The following FDPS variants were observed in gnomAD, a reference collection of about 807,000 sequenced individuals.
FDPS encodes the protein farnesyl pyrophosphate synthase.
Under a neutral mutation model 49.5 loss-of-function variants are expected in FDPS, and 29 were observed. The ratio of observed to expected loss-of-function variants is 0.59; its 90% CI spans 0.44 to 0.80. The LOEUF is 0.80. FDPS is among the 30% of genes least tolerant of loss of function. FDPS has a pLI of 0.00. For missense variants in FDPS, 414 were observed against 525.6 expected (o/e 0.79, Z 2.08); for synonymous variants, 172 against 206.4 (o/e 0.83, Z 1.43).
chr1:155,310,214 T>C lies in FDPS; in HGVS notation c.339+9T>C, dbSNP rs373410513. 2.4e-5 allele frequency: 38 copies of C among 1,613,438 alleles called. No individual in the cohort carries two copies. In the Admixed American group the frequency reaches 6.2e-4, roughly 26 times the overall value. On this transcript the variant is annotated intron_variant, in intron 3 of 10. Transcript: ENST00000368356. ...TTGCCCGGCTCAAGGAGGTGAGGGATTCATGACTTGGGGGAGTAAGGCTTT... is the reference window on the plus strand; with the variant it reads ...TTGCCCGGCTCAAGGAGGTGAGGGACTCATGACTTGGGGGAGTAAGGCTTT...
intron 4 of FDPS, 66 bp from the exon 5 acceptor site, chr1:155,317,872 TAGC>T: frequency 7.2e-7 from 1 of 1,382,454 alleles, no homozygotes; most frequent in Admixed American, 1.8e-5. Context: ...AGATATAAAG[TAGC>T]AGCTCTGTTG....
At chr1:155,319,038 C>T (rs1012054378) in intron 8 of FDPS, 110 bp downstream of exon 8, 10 of 805,488 alleles carry the variant, frequency 1.2e-5, no homozygotes, top group Non-Finnish European at 1.9e-5. Flanking sequence ...ACTGTGTGAC[C>T]TTGAGCAAGT....
Position 155,309,931 on chromosome 1 carries a change from C to G in FDPS, c.142C>G (p.Arg48Gly). 6.2e-7 allele frequency: 1 copy of G among 1,604,308 alleles called. No homozygotes were observed. The highest frequency in any genetic ancestry group is 8.5e-7 in the Non-Finnish European group (1 of 1,173,484). The change falls in exon 2 of 11, where the codon CGC (arginine) becomes GGC (glycine). Residue 48 changes from arginine to glycine, a missense_variant. By Grantham distance (125) the Arg-to-Gly change is moderately radical. Transcript: ENST00000368356. ...CCCAGTCCTGGCCTGGCACAGTGCC[C>G]GCTGCTGGTGCCAAGCGTGGACAGA... ...GYPVLAWHSA[R>G]CWCQAWTEEP...
chr1:155,312,455 A>C, intron 4 of FDPS, 60 bp downstream of exon 4: 95 of 819,638 alleles, frequency 1.2e-4, no homozygotes, highest in East Asian at 1.7e-4. Flanking sequence ...TTGGGTGGGA[A>C]GGGGAGGGAT....
In FDPS at chr1:155,319,612, C is replaced by T. The variant is rs770964870; in HGVS notation, c.848C>T (p.Ala283Val). ...YLPIAAAMYM[A>V]GIDGEKEHAN... ...TTATTAACCCCCCTTTCCCTGCAGG[C>T]AGGAATTGATGGCGAGAAGGAGCAC... The change falls in exon 9 of 11, where the codon GCA (alanine) becomes GTA (valine). Residue 283 changes from alanine to valine, a missense_variant and splice_region_variant. Physicochemically the swap from Ala to Val is moderately conservative, Grantham distance 64. Transcript: ENST00000368356. 1 of 1,613,936 alleles carries T rather than the reference C, an allele frequency of 6.2e-7. No individual in the cohort carries two copies. The highest frequency in any genetic ancestry group is 8.5e-7 in the Non-Finnish European group (1 of 1,180,042).
Position 155,320,549 on chromosome 1 carries a change from A to C in FDPS, c.1200A>C (p.Ala400=). The C allele has an allele frequency of 6.2e-7, 1 of 1,614,150 alleles. No homozygotes were observed. The highest frequency in any genetic ancestry group is 1.1e-5 in the South Asian group (1 of 91,082). ...HIMALIEQYA[A]PLPPAVFLGL... is the part of the protein sequence containing the mutation. ...TGGCTCTCATTGAACAGTACGCAGC[A>C]CCCCTGCCCCCAGCCGTCTTTCTGG... Residue 400 remains alanine, a synonymous_variant, in exon 11 of 11, where the codon GCA becomes GCC. Coordinates refer to ENST00000368356, the MANE Select transcript of FDPS (RefSeq NM_002004.4).
At position 155,309,883 on chromosome 1, in the gene FDPS, C is replaced by T. The variant is rs1181350875; in HGVS notation, c.94C>T (p.Arg32Trp). ...GGAGAGGTGGCTGGGTTCCCTACGG[C>T]GGCCCTCCCTGGTGCACGGGTACCC... ...PRERWLGSLR[R>W]PSLVHGYPVL... Residue 32 changes from arginine (R) to tryptophan (W), a missense_variant, in exon 2 of 11, where the codon CGG (arginine) becomes TGG (tryptophan). By Grantham distance (101) the Arg-to-Trp change is moderately radical. Coordinates refer to ENST00000368356, the MANE Select transcript of FDPS (RefSeq NM_002004.4). 9 of 1,591,512 alleles carry T rather than the reference C, an allele frequency of 5.7e-6. No individual in the cohort carries two copies. The African/African-American group carries it at 6.7e-5, about 12-fold the overall frequency.
chr1:155,309,966 G>T lies in FDPS; in HGVS notation c.176+1G>T. 2 of 1,608,282 alleles carry T rather than the reference G, an allele frequency of 1.2e-6. No homozygotes were observed. The highest frequency in any genetic ancestry group is 1.7e-6 in the Non-Finnish European group (2 of 1,175,810). On this transcript the variant is annotated splice_donor_variant, in intron 2 of 10. Transcript: ENST00000368356. LOFTEE classifies it high-confidence loss of function. ...GCCAAGCGTGGACAGAGGAACCTCGGTGAGTGTGGTTGGGGTGAGGGGCCT... is the reference window on the plus strand; with the variant it reads ...GCCAAGCGTGGACAGAGGAACCTCGTTGAGTGTGGTTGGGGTGAGGGGCCT...
chr1:155,310,304 G>T, intron 3 of FDPS, 99 bp downstream of exon 3: 3 of 1,035,026 alleles, frequency 2.9e-6, no homozygotes, highest in Non-Finnish European at 4.3e-6. Flanking sequence ...TGACAGATGT[G>T]AGAGAAAGCT....
chr1:155,318,444 G>A lies in FDPS; in HGVS notation c.684+153G>A. 3.0e-6 allele frequency: 3 copies of A among 1,015,758 alleles called. No homozygotes were observed. The highest frequency in any genetic ancestry group is 2.5e-5 in the East Asian group (1 of 40,670). The allele number at this position is 1,015,758 out of a possible 1,614,324, so 62.9% of individuals were successfully genotyped here. On this transcript the variant is annotated intron_variant, in intron 6 of 10. Coordinates refer to ENST00000368356, the MANE Select transcript of FDPS (RefSeq NM_002004.4). The surrounding 1 kb of genome is among the most constrained non-coding windows in gnomAD (Gnocchi z 4.2). ...AAGGGTGTTGGGAAGTGGGGTTGTG[G>A]TAGTGGCAAGAAAGGGCTTCTCTGT... is the stretch of plus-strand genomic sequence containing the variant.
intron 4 of FDPS, among the ~76,000 whole-genome samples, chr1:155,314,648 A>T (rs1649129613): frequency 6.6e-6 from 1 of 150,844 alleles, no homozygotes; most frequent in Non-Finnish European, 1.5e-5. Flanking sequence ...CTTTTTAAAT[A>T]GTTTTTTGGT....
chr1:155,318,903 T>C lies in FDPS; in HGVS notation c.821T>C (p.Leu274Pro). 4 of 1,613,496 alleles carry C rather than the reference T, an allele frequency of 2.5e-6. No individual in the cohort carries two copies. Among genetic ancestry groups the C allele is most frequent in the Non-Finnish European group, 3.4e-6 (4 of 1,179,488 alleles). The change falls in exon 8 of 11, where the codon CTT becomes CCT. Residue 274 changes from leucine to proline, a missense_variant. Physicochemically the swap from Leu to Pro is moderately conservative, Grantham distance 98. Transcript: ENST00000368356. This position sits in a 1 kb window ranked among gnomAD's most constrained non-coding sequence, Gnocchi z 4.2. Reference sequence around the variant, plus strand: ...AAGACAGCTTTCTACTCCTTCTACCTTCCTATAGCTGCAGCCATGTACATG... The same window carrying C: ...AAGACAGCTTTCTACTCCTTCTACCCTCCTATAGCTGCAGCCATGTACATG... Reference protein sequence around the residue: ...KYKTAFYSFYLPIAAAMYMAG... With the variant: ...KYKTAFYSFYPPIAAAMYMAG...
At chr1:155,314,118 A>C (rs957087157) in intron 4 of FDPS, among the ~76,000 whole-genome samples, 2 of 151,512 alleles carry the variant, frequency 1.3e-5, no homozygotes, top group Non-Finnish European at 2.9e-5. Context: ...GAGCCACTGC[A>C]CCTGGCCTAG....
intron 4 of FDPS, 23 bp downstream of exon 4, chr1:155,312,418 G>C (rs1224906826): frequency 1.9e-6 from 3 of 1,564,588 alleles, no homozygotes; most frequent in Non-Finnish European, 2.6e-6. Context: ...GGGCAAGGGA[G>C]AAGAAGTTTC....
rs1042176359 is a variant in FDPS, at chr1:155,309,980, G to C, written c.176+15G>C. The C allele has an allele frequency of 1.9e-6, 3 of 1,610,326 alleles. No homozygotes were observed. The highest frequency in any genetic ancestry group is 2.5e-6 in the Non-Finnish European group (3 of 1,177,714). ...GAGGAACCTCGGTGAGTGTGGTTGGGGTGAGGGGCCTTGGGGAGGGGAGCA... is the reference window on the plus strand; with the variant it reads ...GAGGAACCTCGGTGAGTGTGGTTGGCGTGAGGGGCCTTGGGGAGGGGAGCA... On this transcript the variant is annotated intron_variant, in intron 2 of 10. Coordinates refer to ENST00000368356, the MANE Select transcript of FDPS (RefSeq NM_002004.4).
intron 4 of FDPS, among the ~76,000 whole-genome samples, chr1:155,313,796 G>A (rs1649038223): frequency 6.6e-6 from 1 of 152,090 alleles, no homozygotes; most frequent in Admixed American, 6.5e-5. Flanking sequence ...AGACCTTGAG[G>A]GGCCAGTGGT....
intron 4 of FDPS, chr1:155,317,637 A>C: frequency 4.5e-6 from 1 of 220,522 alleles, no homozygotes; most frequent in Non-Finnish European, 9.2e-6. Context: ...GGGGTTCAAA[A>C]CCAGCCTGAG....
At chr1:155,320,109 A>G in intron 10 of FDPS, 181 bp downstream of exon 10, 1 of 730,836 alleles carries the variant, frequency 1.4e-6, no homozygotes, top group Non-Finnish European at 2.3e-6. Context: ...CAGGAGCCAA[A>G]GATGTTGCCA....
chr1:155,317,808 C>T (rs553898783), intron 4 of FDPS, 133 bp from the exon 5 acceptor site: 3 of 659,304 alleles, frequency 4.6e-6, no homozygotes, highest in Non-Finnish European at 5.3e-6. Flanking sequence ...TGCACCACTG[C>T]ACTGGATAAT....
Sources: allele counts gnomAD v4.1 joint callset (sites outside exome capture counted in the v4.1 genomes callset), GRCh38; gene constraint gnomAD v4.1.1; non-coding constraint Gnocchi (gnomAD v3.1); transcripts MANE v1.5; gene names NCBI Gene and HGNC (gene_info 2026-07-23, HGNC 2026-07-21).